The following PARK7 variants were observed in gnomAD, a reference collection of about 807,000 sequenced individuals.
PARK7 encodes the protein Parkinsonism associated deglycase.
A neutral mutation model predicts 20.5 loss-of-function variants in PARK7; 14 were observed. The observed-to-expected ratio is 0.68, with a 90% CI of 0.45 to 1.07. The LOEUF (loss-of-function observed/expected upper bound fraction) is 1.07, where lower values mean the gene tolerates loss of function less well. Ranked by LOEUF, PARK7 falls within the 50% of genes least tolerant of loss-of-function variation. The pLI is 0.00. For missense variants in PARK7, 234 were observed against 238.1 expected (o/e 0.98, Z 0.11); for synonymous variants, 98 against 84.3 (o/e 1.16, Z -0.89).
chr1:7,984,879 G>T lies in PARK7; in HGVS notation c.410-15G>T, dbSNP rs1186255791. The T allele has an allele frequency of 2.5e-6, 4 of 1,613,864 alleles. No individual in the cohort carries two copies. Among genetic ancestry groups the T allele is most frequent in the Non-Finnish European group, 3.4e-6 (4 of 1,179,952 alleles). ...AGCCCATTAGGATGTCACCTTTTCT[G>T]TTTCTACTTTGCAGGTCATTACACC... On this transcript the variant is annotated splice_polypyrimidine_tract_variant and intron_variant, in intron 6 of 6. Transcript: ENST00000338639. The surrounding 1 kb of genome is among the most constrained non-coding windows in gnomAD (Gnocchi z 4.3).
In PARK7 at chr1:7,963,674, C is replaced by T. The variant is rs184835154; in HGVS notation, c.90+799C>T. On this transcript the variant is annotated intron_variant, in intron 2 of 6. Transcript: ENST00000338639. ...ACAGGCAGGAGCCACCATGCCCGGC[C>T]CCTCAGACTCGTTTCTTAAAGAGCA... Among the ~76,000 whole-genome samples the T allele has an allele frequency of 5.3e-4, 81 of 152,040 alleles. No homozygotes were observed. In the East Asian group the frequency reaches 0.014, roughly 26 times the overall value.
Position 7,970,982 on chromosome 1 carries a change from CT to C in PARK7, c.322+20del. 6.2e-7 allele frequency: 1 copy of C among 1,614,026 alleles called. No individual in the cohort carries two copies. The highest frequency in any genetic ancestry group is 8.5e-7 in the Non-Finnish European group (1 of 1,179,892). On this transcript the variant is annotated intron_variant, in intron 5 of 6. Coordinates refer to ENST00000338639, the MANE Select transcript of PARK7 (RefSeq NM_007262.5). ...TGTGCAGGTGACGTGCAGGGGCAGC[CT>C]GTGTTGCAGCGTCATTGGTGGGTGG...
At chr1:7,969,145 A>G in intron 3 of PARK7, 200 bp from the exon 4 acceptor site, 1 of 559,300 alleles carries the variant, frequency 1.8e-6, no homozygotes. Flanking sequence ...GTCACTACAT[A>G]CAGGTTTTCT....
Position 7,984,787 on chromosome 1 carries a change from TAC to T in PARK7, c.410-105_410-104del, listed in dbSNP as rs1001809803. On this transcript the variant is annotated intron_variant, in intron 6 of 6. Transcript: ENST00000338639. This position sits in a 1 kb window ranked among gnomAD's most constrained non-coding sequence, Gnocchi z 4.3. Reference sequence around the variant, plus strand: ...TAGTAAATGTTTTTGAATGGTTAGCTACAGTGTTGGGTTTATATGCTGTAATA... The same window carrying T: ...TAGTAAATGTTTTTGAATGGTTAGCTAGTGTTGGGTTTATATGCTGTAATA... The T allele has an allele frequency of 2.7e-5, 37 of 1,349,312 alleles. No individual in the cohort carries two copies. The highest frequency in any genetic ancestry group is 3.8e-5 in the Non-Finnish European group (36 of 949,186). 83.6% of individuals were successfully genotyped at this position (1,349,312 alleles called of 1,614,324 possible).
Position 7,978,905 on chromosome 1 carries a change from A to G in PARK7, c.409+1167A>G, listed in dbSNP as rs562499243. On this transcript the variant is annotated intron_variant, in intron 6 of 6. Coordinates refer to ENST00000338639, the MANE Select transcript of PARK7 (RefSeq NM_007262.5). Reference sequence around the variant, plus strand: ...GTAGAATTTTATCTATCACATACTCATTATCCTTTTTATTTTAACTAAAAT... The same window carrying G: ...GTAGAATTTTATCTATCACATACTCGTTATCCTTTTTATTTTAACTAAAAT... Among the ~76,000 whole-genome samples the G allele has an allele frequency of 5.9e-5, 9 of 151,488 alleles. No homozygotes were observed. The South Asian group carries it at 1.9e-3, about 32-fold the overall frequency.
intron 3 of PARK7, 176 bp from the exon 4 acceptor site, chr1:7,969,169 G>T: frequency 1.7e-6 from 1 of 592,324 alleles, no homozygotes; most frequent in South Asian, 2.2e-5. Flanking sequence ...TTTTTTGCTA[G>T]TTAAAACACC....
intron 5 of PARK7, among the ~76,000 whole-genome samples, chr1:7,974,547 T>C (rs1640535717): frequency 6.6e-6 from 1 of 151,258 alleles, no homozygotes; most frequent in South Asian, 2.1e-4. Context: ...GAGAATGGTG[T>C]GAACCTGGGG....
At chr1:7,974,244 G>A (rs991790685) in intron 5 of PARK7, among the ~76,000 whole-genome samples, 1 of 151,420 alleles carries the variant, frequency 6.6e-6, no homozygotes, top group Non-Finnish European at 1.5e-5. Context: ...ATCACTTTGA[G>A]CCCAGGAATT....
At position 7,985,365 on chromosome 1, in the gene PARK7, T is replaced by C. The variant is rs777347256; in HGVS notation, c.*311T>C. The C allele has an allele frequency of 4.0e-5, 15 of 374,818 alleles. No homozygotes were observed. Among genetic ancestry groups the C allele is most frequent in the Non-Finnish European group, 6.6e-5 (13 of 195,926 alleles). The allele number at this position is 374,818 out of a possible 1,614,324, so 23.2% of individuals were successfully genotyped here. A position where few individuals can be genotyped will look rare whatever the true frequency, so the allele number is the denominator to read the frequency against. ...TTCATTTGCAGCTCTTAACTGTCCA[T>C]ATGGCACTGAAATAAAAGAACAGTG... On this transcript the variant is annotated 3_prime_UTR_variant, in exon 7 of 7. Transcript: ENST00000338639.
chr1:7,969,814 G>A (rs1487590634), intron 4 of PARK7, among the ~76,000 whole-genome samples: 1 of 152,004 alleles, frequency 6.6e-6, no homozygotes, highest in African/African-American at 2.4e-5. Context: ...TCCTGACCTC[G>A]TGATCCGCCC....
intron 6 of PARK7, among the ~76,000 whole-genome samples, chr1:7,980,131 A>G (rs1557450617): frequency 1.4e-5 from 2 of 147,634 alleles, no homozygotes; most frequent in Non-Finnish European, 3.0e-5. Flanking sequence ...ACTGCACTCC[A>G]GCCTGGGCAA....
chr1:7,984,447 T>C lies in PARK7; in HGVS notation c.410-447T>C, dbSNP rs1640776876. Among the ~76,000 whole-genome samples, 1 of 152,246 alleles carries C rather than the reference T, an allele frequency of 6.6e-6. No homozygotes were observed. The highest frequency in any genetic ancestry group is 2.4e-5 in the African/African-American group (1 of 41,456). On this transcript the variant is annotated intron_variant, in intron 6 of 6. Coordinates refer to ENST00000338639, the MANE Select transcript of PARK7 (RefSeq NM_007262.5). The surrounding 1 kb of genome is among the most constrained non-coding windows in gnomAD (Gnocchi z 4.3). ...CACTCACATGCATACCCGCCTCCAT[T>C]ACGTTGTGCTGTGGTTGTTTTTGAG...
chr1:7,967,117 C>G (rs1325652180), intron 3 of PARK7, among the ~76,000 whole-genome samples: 2 of 151,066 alleles, frequency 1.3e-5, no homozygotes, highest in Non-Finnish European at 2.9e-5. Flanking sequence ...CATTATGCTT[C>G]TATGTGATCA....
Position 7,977,707 on chromosome 1 carries a change from C to A in PARK7, c.378C>A (p.His126Gln). 1 of 1,614,120 alleles carries A rather than the reference C, an allele frequency of 6.2e-7. No homozygotes were observed. Among genetic ancestry groups the A allele is most frequent in the Non-Finnish European group, 8.5e-7 (1 of 1,179,980 alleles). Residue 126 changes from histidine (H) to glutamine (Q), a missense_variant, in exon 6 of 7, where the codon CAC (histidine) becomes CAA (glutamine). By Grantham distance (24) the His-to-Gln change is conservative (BLOSUM62 0). Coordinates refer to ENST00000338639, the MANE Select transcript of PARK7 (RefSeq NM_007262.5). Reference sequence around the variant, plus strand: ...GTTTTGGAAGTAAAGTTACAACACACCCTCTTGCTAAAGACAAAATGATGA... The same window carrying A: ...GTTTTGGAAGTAAAGTTACAACACAACCTCTTGCTAAAGACAAAATGATGA... ...EIGFGSKVTT[H>Q]PLAKDKMMNG...
In PARK7 at chr1:7,962,778, A is replaced by G. The variant is rs1640236458; in HGVS notation, c.-8A>G. 1 of 1,603,602 alleles carries G rather than the reference A, an allele frequency of 6.2e-7. No homozygotes were observed. The highest frequency in any genetic ancestry group is 8.5e-7 in the Non-Finnish European group (1 of 1,172,396). On this transcript the variant is annotated 5_prime_UTR_variant, in exon 2 of 7. Coordinates refer to ENST00000338639, the MANE Select transcript of PARK7 (RefSeq NM_007262.5). ...TTTTTTTAAGGCTTGTAAACATATA[A>G]CATAAAAATGGCTTCCAAAAGAGCT...
chr1:7,984,836 T>C lies in PARK7; in HGVS notation c.410-58T>C. 1 of 1,591,976 alleles carries C rather than the reference T, an allele frequency of 6.3e-7. No individual in the cohort carries two copies. The highest frequency in any genetic ancestry group is 8.6e-7 in the Non-Finnish European group (1 of 1,160,924). ...AATAGTGAATTTAATTGGTAAGTAA[T>C]CGTCTTTCTCGTCACATAGCCCATT... On this transcript the variant is annotated intron_variant, in intron 6 of 6. Transcript: ENST00000338639. This position sits in a 1 kb window ranked among gnomAD's most constrained non-coding sequence, Gnocchi z 4.3.
chr1:7,963,118 C>CT (rs893695027), intron 2 of PARK7, among the ~76,000 whole-genome samples: 71 of 152,258 alleles, frequency 4.7e-4, no homozygotes, highest in African/African-American at 1.7e-3. Flanking sequence ...GGCTGGAGTG[C>CT]GATGGCAGGA....
At chr1:7,962,445 C>A (rs1440298288) in intron 1 of PARK7, among the ~76,000 whole-genome samples, 1 of 152,096 alleles carries the variant, frequency 6.6e-6, no homozygotes, top group East Asian at 1.9e-4. Flanking sequence ...AGGAGACCCA[C>A]GTACTTGTAT....
At chr1:7,981,932 A>G (rs990846293) in intron 6 of PARK7, among the ~76,000 whole-genome samples, 2 of 143,550 alleles carry the variant, frequency 1.4e-5, no homozygotes, top group African/African-American at 5.2e-5. Flanking sequence ...TGCTGGGATT[A>G]CAGGCGTGAG....
Sources: allele counts gnomAD v4.1 joint callset (sites outside exome capture counted in the v4.1 genomes callset), GRCh38; gene constraint gnomAD v4.1.1; non-coding constraint Gnocchi (gnomAD v3.1); transcripts MANE v1.5; gene names NCBI Gene and HGNC (gene_info 2026-07-23, HGNC 2026-07-21).